Variants in COX19 observed in about 807,000 individuals in gnomAD.
COX19 encodes the protein cytochrome c oxidase assembly protein COX19.
Under a neutral mutation model 6.8 loss-of-function variants are expected in COX19, and 8 were observed. The ratio of observed to expected loss-of-function variants is 1.18; its 90% CI spans 0.69 to 2.12. The LOEUF is 2.12. COX19 is among the 30% of genes most tolerant of loss of function. The probability of loss-of-function intolerance (pLI) is 0.00; values close to 1 mark genes in which losing one functional copy is unlikely to be tolerated. For synonymous variants in COX19, 51 were observed against 38.0 expected (o/e 1.34, Z -1.26); for missense variants, 131 against 104.6 (o/e 1.25, Z -1.10).
chr7:971,975 C>G (rs1847643277), intron 2 of COX19, among the ~76,000 whole-genome samples: 1 of 152,222 alleles, frequency 6.6e-6, no homozygotes, highest in Admixed American at 6.5e-5. Context: ...ACCTGAGGCA[C>G]TGGCCCTGGC....
chr7:974,569 G>A (rs1337439699), intron 1 of COX19, among the ~76,000 whole-genome samples: 1 of 152,158 alleles, frequency 6.6e-6, no homozygotes, highest in Non-Finnish European at 1.5e-5. Context: ...GAGAGTTCAG[G>A]GTAAAAATTC....
chr7:975,181 C>T (rs1469396341), intron 1 of COX19: 6 of 426,800 alleles, frequency 1.4e-5, no homozygotes, highest in Non-Finnish European at 2.5e-5. Flanking sequence ...GCCGGAGACC[C>T]GGAAGCCTGA....
intron 2 of COX19, among the ~76,000 whole-genome samples, chr7:970,950 T>C (rs936977689): frequency 6.6e-6 from 1 of 152,134 alleles, no homozygotes; most frequent in Non-Finnish European, 1.5e-5. Context: ...CATGACTCTT[T>C]ATGGGCCCCA....
Position 969,057 on chromosome 7 carries a change from A to G in COX19, c.*321T>C. ...ATACATTTACCTCTTTGAACTCAGA[A>G]AGTATCAGAGGACTGCAACATAAAA... On this transcript the variant is annotated 3_prime_UTR_variant, in exon 3 of 3. Transcript: ENST00000344111. The G allele has an allele frequency of 7.8e-6, 2 of 255,216 alleles. No individual in the cohort carries two copies. The highest frequency in any genetic ancestry group is 1.5e-5 in the Non-Finnish European group (2 of 134,372). 15.8% of individuals were successfully genotyped at this position (255,216 alleles called of 1,614,324 possible).
intron 2 of COX19, 99 bp downstream of exon 2, chr7:973,082 C>A: frequency 1.5e-6 from 1 of 667,882 alleles, no homozygotes; most frequent in Non-Finnish European, 2.3e-6. Flanking sequence ...AAGCTGAATC[C>A]CAGGCCTGAA....
Position 965,147 on chromosome 7 carries a change from T to G in COX19, c.*4231A>C, listed in dbSNP as rs903083147. 6.6e-6 allele frequency among the ~76,000 whole-genome samples: 1 copy of G among 152,174 alleles called. No homozygotes were observed. The highest frequency in any genetic ancestry group is 1.9e-4 in the East Asian group (1 of 5,206). On this transcript the variant is annotated 3_prime_UTR_variant, in exon 3 of 3. Coordinates refer to ENST00000344111, the MANE Select transcript of COX19 (RefSeq NM_001031617.3). Reference sequence around the variant, plus strand: ...GCCTGTGACCTGCTGAAACCATTCATGCCGGCATCATGCCTATTGGAAACT... The same window carrying G: ...GCCTGTGACCTGCTGAAACCATTCAGGCCGGCATCATGCCTATTGGAAACT...
rs1701648947 is a variant in COX19, at chr7:967,880, C to T, written c.*1498G>A. The T allele has an allele frequency of 6.6e-6, 1 of 152,330 alleles. No homozygotes were observed. Among genetic ancestry groups the T allele is most frequent in the South Asian group, 2.1e-4 (1 of 4,838 alleles). 9.4% of individuals were successfully genotyped at this position (152,330 alleles called of 1,614,324 possible). A position where few individuals can be genotyped will look rare whatever the true frequency, so the allele number is the denominator to read the frequency against. The stretch of plus-strand genomic sequence containing the variant: ...GGCGAGCTCATGGCACGTGGCCACA[C>T]CGCGTCAGCGCCGACTCCACGGTGG... On this transcript the variant is annotated 3_prime_UTR_variant, in exon 3 of 3. Coordinates refer to ENST00000344111, the MANE Select transcript of COX19 (RefSeq NM_001031617.3).
chr7:975,132 C>G lies in COX19; in HGVS notation c.82+296G>C, dbSNP rs79708562. 2,763 of 365,350 alleles carry G rather than the reference C, an allele frequency of 7.6e-3. 85 individuals are homozygous for G. Among genetic ancestry groups the G allele is most frequent in the African/African-American group, 0.054 (2,559 of 47,356 alleles). 22.6% of individuals were successfully genotyped at this position (365,350 alleles called of 1,614,324 possible). On this transcript the variant is annotated intron_variant, in intron 1 of 2. Coordinates refer to ENST00000344111, the MANE Select transcript of COX19 (RefSeq NM_001031617.3). Reference sequence around the variant, plus strand: ...GCCGCCGAATGCCCCGCTCTGCAAACCCGGGGCACAGACAGCCCGCCGGGT... The same window carrying G: ...GCCGCCGAATGCCCCGCTCTGCAAAGCCGGGGCACAGACAGCCCGCCGGGT...
At position 967,224 on chromosome 7, in the gene COX19, C is replaced by G. The variant is rs2128116569; in HGVS notation, c.*2154G>C. 1 of 152,280 alleles carries G rather than the reference C, an allele frequency of 6.6e-6. No homozygotes were observed. The highest frequency in any genetic ancestry group is 6.5e-5 in the Admixed American group (1 of 15,298). The allele number at this position is 152,280 out of a possible 1,614,324, so 9.4% of individuals were successfully genotyped here. A position where few individuals can be genotyped will look rare whatever the true frequency, so the allele number is the denominator to read the frequency against. ...AGGTACGTACAGGAAAAAACAGCGC[C>G]TGGACAGGATTCGGGACTATCCGCG... is the stretch of plus-strand genomic sequence containing the variant. On this transcript the variant is annotated 3_prime_UTR_variant, in exon 3 of 3. Coordinates refer to ENST00000344111, the MANE Select transcript of COX19 (RefSeq NM_001031617.3).
chr7:971,411 A>C (rs1847633167), intron 2 of COX19, among the ~76,000 whole-genome samples: 1 of 152,228 alleles, frequency 6.6e-6, no homozygotes, highest in African/African-American at 2.4e-5. Flanking sequence ...GAAGAAAAGA[A>C]ATGGCTAAAA....
At position 966,466 on chromosome 7, in the gene COX19, C is replaced by G. The variant is rs1272198507; in HGVS notation, c.*2912G>C. 6.6e-6 allele frequency: 1 copy of G among 152,306 alleles called. No homozygotes were observed. Among genetic ancestry groups the G allele is most frequent in the Non-Finnish European group, 1.5e-5 (1 of 68,106 alleles). 9.4% of individuals were successfully genotyped at this position (152,306 alleles called of 1,614,324 possible). Reference sequence around the variant, plus strand: ...GCTGCGCCCAGCCTGTTTATTTTCACGCTCACACTGCCCCAGGCTGGCCAC... The same window carrying G: ...GCTGCGCCCAGCCTGTTTATTTTCAGGCTCACACTGCCCCAGGCTGGCCAC... On this transcript the variant is annotated 3_prime_UTR_variant, in exon 3 of 3. Transcript: ENST00000344111.
At position 965,478 on chromosome 7, in the gene COX19, C is replaced by T. The variant is rs899226555; in HGVS notation, c.*3900G>A. 2.6e-5 allele frequency among the ~76,000 whole-genome samples: 4 copies of T among 152,182 alleles called. No individual in the cohort carries two copies. The highest frequency in any genetic ancestry group is 1.9e-4 in the East Asian group (1 of 5,192). The stretch of plus-strand genomic sequence containing the variant: ...CGTGCCCTCAGGGACGCCCCCAGGT[C>T]GGTGCGGCCTGTGCGGCTCGCTCCC... On this transcript the variant is annotated 3_prime_UTR_variant, in exon 3 of 3. Coordinates refer to ENST00000344111, the MANE Select transcript of COX19 (RefSeq NM_001031617.3).
intron 2 of COX19, among the ~76,000 whole-genome samples, chr7:972,338 A>C (rs1353300889): frequency 1.3e-5 from 2 of 152,162 alleles, no homozygotes; most frequent in Non-Finnish European, 2.9e-5. Context: ...TTACGGCCCC[A>C]AATGTCCACA....
rs34184329 is a variant in COX19 at position 968,671 on chromosome 7, C to T, written c.*707G>A. 0.092 allele frequency: 13,994 copies of T among 152,320 alleles called. 772 individuals are homozygous for T. Among genetic ancestry groups the T allele is most frequent in the South Asian group, 0.15 (717 of 4,828 alleles). The allele number at this position is 152,320 out of a possible 1,614,324, so 9.4% of individuals were successfully genotyped here. A position where few individuals can be genotyped will look rare whatever the true frequency, so the allele number is the denominator to read the frequency against. On this transcript the variant is annotated 3_prime_UTR_variant, in exon 3 of 3. Transcript: ENST00000344111. ...GTGCTGCGAACACGTGCCGGGGTCT[C>T]GGGCGGAGCTGGCTGGCACAGAAGA...
rs1375590604 is a variant in COX19 at position 968,654 on chromosome 7, AAC to A, written c.*722_*723del. 2 of 152,382 alleles carry A rather than the reference AAC, an allele frequency of 1.3e-5. No homozygotes were observed. Among genetic ancestry groups the A allele is most frequent in the African/African-American group, 4.8e-5 (2 of 41,586 alleles). 9.4% of individuals were successfully genotyped at this position (152,382 alleles called of 1,614,324 possible). On this transcript the variant is annotated 3_prime_UTR_variant, in exon 3 of 3. Coordinates refer to ENST00000344111, the MANE Select transcript of COX19 (RefSeq NM_001031617.3). ...AGGGCCCCTGCCAGGCTGTGCTGCGAACACGTGCCGGGGTCTCGGGCGGAGCT... is the reference window on the plus strand; with the variant it reads ...AGGGCCCCTGCCAGGCTGTGCTGCGAACGTGCCGGGGTCTCGGGCGGAGCT...
intron 1 of COX19, 71 bp from the exon 2 acceptor site, chr7:973,363 A>G: frequency 6.8e-7 from 1 of 1,463,766 alleles, no homozygotes; most frequent in South Asian, 1.4e-5. Context: ...CAGCCTTAAG[A>G]GCTGCGCTGC....
Position 968,825 on chromosome 7 carries a change from T to A in COX19, c.*553A>T, listed in dbSNP as rs1270772491. 6.6e-6 allele frequency: 1 copy of A among 152,152 alleles called. No homozygotes were observed. Among genetic ancestry groups the A allele is most frequent in the Non-Finnish European group, 1.5e-5 (1 of 68,088 alleles). The allele number at this position is 152,152 out of a possible 1,614,324, so 9.4% of individuals were successfully genotyped here. On this transcript the variant is annotated 3_prime_UTR_variant, in exon 3 of 3. Transcript: ENST00000344111. ...AAACCAGAAAATGACCCTTTGATTA[T>A]GAAGCTACTTGGTGTTCAGGCAAAA...
In COX19 at chr7:965,775, A is replaced by G. The variant is rs1382266727; in HGVS notation, c.*3603T>C. 6.6e-6 allele frequency among the ~76,000 whole-genome samples: 1 copy of G among 152,122 alleles called. No individual in the cohort carries two copies. Among genetic ancestry groups the G allele is most frequent in the African/African-American group, 2.4e-5 (1 of 41,426 alleles). ...CCACCTCGGCCTCCCGAATAGCTGG[A>G]TTACAGACACACGCCACCAGCCCCA... On this transcript the variant is annotated 3_prime_UTR_variant, in exon 3 of 3. Transcript: ENST00000344111.
rs564444572 is a variant in COX19 at position 965,932 on chromosome 7, G to C, written c.*3446C>G. Reference sequence around the variant, plus strand: ...GGGATTATAGGCGTGAGCCACTGGCGCCCGGCCCGCTGAGGGTTGTAATCT... The same window carrying C: ...GGGATTATAGGCGTGAGCCACTGGCCCCCGGCCCGCTGAGGGTTGTAATCT... On this transcript the variant is annotated 3_prime_UTR_variant, in exon 3 of 3. Coordinates refer to ENST00000344111, the MANE Select transcript of COX19 (RefSeq NM_001031617.3). 1 of 152,048 alleles carries C rather than the reference G, an allele frequency of 6.6e-6. No individual in the cohort carries two copies. Among genetic ancestry groups the C allele is most frequent in the Non-Finnish European group, 1.5e-5 (1 of 68,026 alleles). 9.4% of individuals were successfully genotyped at this position (152,048 alleles called of 1,614,324 possible). A position where few individuals can be genotyped will look rare whatever the true frequency, so the allele number is the denominator to read the frequency against.
Sources: gnomAD v4.1 joint callset for allele counts (sites outside exome capture counted in the v4.1 genomes callset) on GRCh38, gnomAD v4.1.1 for gene constraint, MANE v1.5 for transcripts, NCBI Gene and HGNC (gene_info 2026-07-23, HGNC 2026-07-21) for gene names.